The following KCNN3 variants were observed in gnomAD, a reference collection of about 807,000 sequenced individuals.
KCNN3 encodes small conductance calcium-activated potassium channel protein 3.
KCNN3 carries 16 observed loss-of-function variants against 62.9 expected under a neutral mutation model. The ratio of observed to expected loss-of-function variants is 0.25; its 90% CI spans 0.17 to 0.39. The LOEUF (loss-of-function observed/expected upper bound fraction) is 0.39, where lower values mean the gene tolerates loss of function less well. Among genes scored for constraint, KCNN3 ranks in the 10% least tolerant of loss-of-function variants. The probability of loss-of-function intolerance (pLI) is 1.00; values close to 1 mark genes in which losing one functional copy is unlikely to be tolerated. For missense variants in KCNN3, 599 were observed against 949.4 expected, an observed-to-expected ratio of 0.63 and a Z score of 4.85; for synonymous variants, 370 against 389.2, an observed-to-expected ratio of 0.95 and a Z score of 0.58.
chr1:154,702,261 CT>C lies in KCNN3; in HGVS notation c.*5714del, dbSNP rs201842434. 435 of 152,058 alleles carry C rather than the reference CT, an allele frequency of 2.9e-3. 4 individuals are homozygous for C. Among genetic ancestry groups the C allele is most frequent in the Middle Eastern group, 0.01 (3 of 294 alleles). The allele number at this position is 152,058 out of a possible 1,614,324, so 9.4% of individuals were successfully genotyped here. A position where few individuals can be genotyped will look rare whatever the true frequency, so the allele number is the denominator to read the frequency against. On this transcript the variant is annotated 3_prime_UTR_variant, in exon 8 of 8. Transcript: ENST00000271915. ...TTGGGAGAGCAGGCTGACAGTGGACCTGCTAAACACTAGTTTGATACAAAAT... is the reference window on the plus strand; with the variant it reads ...TTGGGAGAGCAGGCTGACAGTGGACCGCTAAACACTAGTTTGATACAAAAT...
intron 4 of KCNN3, among the ~76,000 whole-genome samples, chr1:154,731,417 C>A (rs1024941524): frequency 2.1e-4 from 32 of 152,220 alleles, no homozygotes; most frequent in African/African-American, 7.2e-4. Context: ...GGACTGGAGT[C>A]AGAAAGGAGG....
At chr1:154,818,720 G>T (rs1027345793) in intron 2 of KCNN3, among the ~76,000 whole-genome samples, 1 of 152,216 alleles carries the variant, frequency 6.6e-6, no homozygotes, top group Non-Finnish European at 1.5e-5. Context: ...TGGACTTCCC[G>T]ATCTCCAGAA....
chr1:154,802,864 T>C (rs1182473650), intron 2 of KCNN3, among the ~76,000 whole-genome samples: 1 of 152,146 alleles, frequency 6.6e-6, no homozygotes, highest in African/African-American at 2.4e-5. Context: ...CCTCTGGCTG[T>C]CACTGTTAGG....
rs771657552 is a variant in KCNN3, at chr1:154,700,864, GAAAT to G, written c.*7108_*7111del. 7.9e-5 allele frequency: 12 copies of G among 151,844 alleles called. No homozygotes were observed. Among genetic ancestry groups the G allele is most frequent in the Non-Finnish European group, 1.6e-4 (11 of 67,960 alleles). The allele number at this position is 151,844 out of a possible 1,614,324, so 9.4% of individuals were successfully genotyped here. On this transcript the variant is annotated 3_prime_UTR_variant, in exon 8 of 8. Transcript: ENST00000271915. ...TCATTTAGTAGCAAAAAAAAGTGAA[GAAAT>G]AAATCAATTACCACCAATACATTCA... is the stretch of plus-strand genomic sequence containing the variant.
At chr1:154,794,686 C>T (rs1649654002) in intron 2 of KCNN3, among the ~76,000 whole-genome samples, 1 of 152,160 alleles carries the variant, frequency 6.6e-6, no homozygotes, top group South Asian at 2.1e-4. Context: ...CAAAGGTGGA[C>T]CTCTGTGGAG....
At chr1:154,854,544 TTAGA>T (rs1417953874) in intron 1 of KCNN3, among the ~76,000 whole-genome samples, 4 of 152,344 alleles carry the variant, frequency 2.6e-5, no homozygotes, top group South Asian at 2.1e-4. Context: ...TATAATTAAC[TTAGA>T]TAGTTTACTA....
chr1:154,852,228 G>A (rs56243604), intron 1 of KCNN3, among the ~76,000 whole-genome samples: 5,391 of 150,430 alleles, frequency 0.036, 285 homozygotes, highest in African/African-American at 0.12. Flanking sequence ...TTTCTCGGAC[G>A]GGGAGTCAGG....
intron 1 of KCNN3, among the ~76,000 whole-genome samples, chr1:154,846,238 C>T (rs1652050890): frequency 6.6e-6 from 1 of 152,226 alleles, no homozygotes; most frequent in Admixed American, 6.5e-5. Context: ...CACTCTCTTG[C>T]CTTACCCTTA....
At chr1:154,796,726 G>A (rs915076079) in intron 2 of KCNN3, among the ~76,000 whole-genome samples, 2 of 152,348 alleles carry the variant, frequency 1.3e-5, no homozygotes, top group East Asian at 1.9e-4. Flanking sequence ...CCAGCTCACC[G>A]GTCGATGTGC....
intron 3 of KCNN3, among the ~76,000 whole-genome samples, chr1:154,740,554 A>C (rs1349698755): frequency 6.6e-6 from 1 of 152,232 alleles, no homozygotes; most frequent in Non-Finnish European, 1.5e-5. Context: ...ATTTCACTTC[A>C]TTAGGAAATG....
rs771676636 is a variant in KCNN3, at chr1:154,732,884, C to G, written c.1590+119G>C. The stretch of plus-strand genomic sequence containing the variant: ...ATGTGTAGGGGACACACATGCAGGT[C>G]GGTTAACTAACAGCCACCCCCCGCT... On this transcript the variant is annotated intron_variant, in intron 4 of 7. Transcript: ENST00000271915. 6 of 994,590 alleles carry G rather than the reference C, an allele frequency of 6.0e-6. No individual in the cohort carries two copies. The Admixed American group carries it at 1.0e-4, about 17-fold the overall frequency. 61.6% of individuals were successfully genotyped at this position (994,590 alleles called of 1,614,324 possible).
chr1:154,866,304 T>C (rs925526376), intron 1 of KCNN3, among the ~76,000 whole-genome samples: 1 of 152,200 alleles, frequency 6.6e-6, no homozygotes, highest in Admixed American at 6.5e-5. Context: ...ATATCTCCTT[T>C]CCTCTCATCA....
chr1:154,854,827 T>C (rs1427682826), intron 1 of KCNN3, among the ~76,000 whole-genome samples: 3 of 152,164 alleles, frequency 2.0e-5, no homozygotes, highest in Non-Finnish European at 4.4e-5. Flanking sequence ...ATTTCTAAAA[T>C]GGAAAAAAAC....
At position 154,706,517 on chromosome 1, in the gene KCNN3, C is replaced by T. The variant is rs1226278862; in HGVS notation, c.*1459G>A. The T allele has an allele frequency of 6.6e-6, 1 of 152,184 alleles. No individual in the cohort carries two copies. Among genetic ancestry groups the T allele is most frequent in the Admixed American group, 6.5e-5 (1 of 15,274 alleles). 9.4% of individuals were successfully genotyped at this position (152,184 alleles called of 1,614,324 possible). ...AATGAAAACATTTTTCTGCGCCGCT[C>T]ATTACACTAAATCTTGATGTTTCTG... On this transcript the variant is annotated 3_prime_UTR_variant, in exon 8 of 8. Coordinates refer to ENST00000271915, the MANE Select transcript of KCNN3 (RefSeq NM_002249.6).
At chr1:154,754,116 T>C (rs997677849) in intron 3 of KCNN3, among the ~76,000 whole-genome samples, 1 of 152,170 alleles carries the variant, frequency 6.6e-6, no homozygotes, top group African/African-American at 2.4e-5. Context: ...TTGACTGGAA[T>C]TGCATGATGG....
At chr1:154,811,814 T>TA (rs1172293791) in intron 2 of KCNN3, among the ~76,000 whole-genome samples, 6 of 152,238 alleles carry the variant, frequency 3.9e-5, no homozygotes, top group African/African-American at 1.4e-4. Flanking sequence ...AACACTTGTA[T>TA]AGAAGCCTCC....
At chr1:154,811,906 C>T (rs1034222814) in intron 2 of KCNN3, among the ~76,000 whole-genome samples, 1 of 152,196 alleles carries the variant, frequency 6.6e-6, no homozygotes, top group African/African-American at 2.4e-5. Context: ...GTCACTGAGT[C>T]CTACTATGCA....
At chr1:154,838,635 G>A (rs1456869441) in intron 1 of KCNN3, among the ~76,000 whole-genome samples, 2 of 152,118 alleles carry the variant, frequency 1.3e-5, no homozygotes, top group Non-Finnish European at 2.9e-5. Flanking sequence ...CAACCTTCAG[G>A]ACCGGCTCCG....
At chr1:154,714,116 GTGTGTGTGGGT>G (rs1700142574) in intron 6 of KCNN3, among the ~76,000 whole-genome samples, 1 of 130,532 alleles carries the variant, frequency 7.7e-6, no homozygotes, top group Admixed American at 7.6e-5. Flanking sequence ...GTGTGATGTG[GTGTGTGTGGGT>G]TGTGTGTGTG....
Sources: gnomAD v4.1 joint callset for allele counts (sites outside exome capture counted in the v4.1 genomes callset) on GRCh38, gnomAD v4.1.1 for gene constraint, MANE v1.5 for transcripts, NCBI Gene and HGNC (gene_info 2026-07-23, HGNC 2026-07-21) for gene names.